Variants in CC2D2A observed in about 807,000 individuals in gnomAD.
The protein encoded by CC2D2A is coiled-coil and C2 domain-containing protein 2A.
CC2D2A carries 155 observed loss-of-function variants against 212.9 expected under a neutral mutation model. That is an observed-to-expected ratio of 0.73 (90% CI 0.64 to 0.83). The LOEUF (loss-of-function observed/expected upper bound fraction) is 0.83. Ranked by LOEUF, CC2D2A falls within the 40% of genes least tolerant of loss-of-function variation. The probability of loss-of-function intolerance (pLI) is 0.00; values close to 1 mark genes in which losing one functional copy is unlikely to be tolerated. For synonymous variants in CC2D2A, 667 were observed against 686.5 expected, an observed-to-expected ratio of 0.97 and a Z score of 0.44; for missense variants, 1,856 against 1,956.2, an observed-to-expected ratio of 0.95 and a Z score of 0.97.
At chr4:15,525,544 T>C (rs1040180859) in intron 11 of CC2D2A, among the ~76,000 whole-genome samples, 1 of 152,138 alleles carries the variant, frequency 6.6e-6, no homozygotes, top group Non-Finnish European at 1.5e-5. Context: ...TGGCCCTCCA[T>C]TGTTGCAGTC....
chr4:15,514,756 G>A lies in CC2D2A; in HGVS notation c.767G>A (p.Gly256Asp). The A allele has an allele frequency of 6.2e-7, 1 of 1,612,572 alleles. No individual in the cohort carries two copies. Among genetic ancestry groups the A allele is most frequent in the East Asian group, 2.2e-5 (1 of 44,864 alleles). The change falls in exon 9 of 37, where the codon GGC (glycine) becomes GAC (aspartate). Residue 256 changes from glycine to aspartate, a missense_variant. By Grantham distance (94) the Gly-to-Asp change is moderately conservative. Around this residue, in one of 5 missense-constraint regions of CC2D2A, gnomAD observed 1,512 missense variants for 1,579.3 expected, o/e 0.96. Transcript: ENST00000424120. Reference sequence around the variant, plus strand: ...GATGATGCCGAGGACTTCCTATTGGGCTTAGATCACGTGGCTGACGATTTT... The same window carrying A: ...GATGATGCCGAGGACTTCCTATTGGACTTAGATCACGTGGCTGACGATTTT... ...NGDDAEDFLL[G>D]LDHVADDFVA...
intron 23 of CC2D2A, among the ~76,000 whole-genome samples, chr4:15,561,162 T>G (rs941480208): frequency 1.3e-5 from 2 of 152,340 alleles, no homozygotes; most frequent in Non-Finnish European, 1.5e-5. Flanking sequence ...GGGAATTGAC[T>G]GTATTTGCTT....
chr4:15,566,406 T>C (rs1236153916), intron 24 of CC2D2A, among the ~76,000 whole-genome samples: 2 of 151,968 alleles, frequency 1.3e-5, no homozygotes, highest in African/African-American at 4.8e-5. Flanking sequence ...GTCAGGAAGC[T>C]CAGGATCTCC....
chr4:15,506,849 G>A (rs1006733538), intron 6 of CC2D2A, among the ~76,000 whole-genome samples: 21 of 151,776 alleles, frequency 1.4e-4, no homozygotes, highest in Non-Finnish European at 2.2e-4. Context: ...TGAGGCGGGC[G>A]GATCACGAGG....
intron 19 of CC2D2A, among the ~76,000 whole-genome samples, chr4:15,554,254 T>C (rs1362197626): frequency 6.6e-6 from 1 of 152,196 alleles, no homozygotes; most frequent in Non-Finnish European, 1.5e-5. Context: ...GAATAGAAGG[T>C]AAAACACAAT....
chr4:15,532,300 A>G (rs1167925188), intron 13 of CC2D2A, among the ~76,000 whole-genome samples: 2 of 152,198 alleles, frequency 1.3e-5, no homozygotes, highest in Admixed American at 6.5e-5. Context: ...CAGTTGATCT[A>G]CTAGAAACCT....
At chr4:15,552,610 C>T (rs999392316) in intron 18 of CC2D2A, among the ~76,000 whole-genome samples, 10 of 152,184 alleles carry the variant, frequency 6.6e-5, no homozygotes, top group Admixed American at 1.3e-4. Flanking sequence ...AAGTATTTCT[C>T]TTATTTCTCT....
chr4:15,478,826 T>C lies in CC2D2A; in HGVS notation c.123+20T>C, dbSNP rs980445355. 2.0e-6 allele frequency: 3 copies of C among 1,528,014 alleles called. No individual in the cohort carries two copies. Among genetic ancestry groups the C allele is most frequent in the Non-Finnish European group, 2.7e-6 (3 of 1,125,364 alleles). 94.7% of individuals were successfully genotyped at this position (1,528,014 alleles called of 1,614,324 possible). A position where few individuals can be genotyped will look rare whatever the true frequency, so the allele number is the denominator to read the frequency against. ...AAACAGGTAAGAAGTGACAAGAAAC[T>C]GTGTCTGCGTATTGTCATTGATCAA... On this transcript the variant is annotated intron_variant, in intron 3 of 36. Coordinates refer to ENST00000424120, the MANE Select transcript of CC2D2A (RefSeq NM_001378615.1).
chr4:15,577,373 A>C (rs1720460917), intron 29 of CC2D2A, among the ~76,000 whole-genome samples: 1 of 152,234 alleles, frequency 6.6e-6, no homozygotes, highest in Admixed American at 6.5e-5. Context: ...GAATTGAGCC[A>C]GTCAAGAACC....
intron 2 of CC2D2A, among the ~76,000 whole-genome samples, chr4:15,477,162 C>T (rs184066242): frequency 2.0e-5 from 3 of 151,986 alleles, no homozygotes; most frequent in Admixed American, 6.6e-5. Flanking sequence ...ATTAGTCAGG[C>T]GTGGTGAGGC....
At position 15,555,185 on chromosome 4, in the gene CC2D2A, A is replaced by G. The variant is rs1719216147; in HGVS notation, c.2600A>G (p.Asn867Ser). 2 of 1,613,630 alleles carry G rather than the reference A, an allele frequency of 1.2e-6. No individual in the cohort carries two copies. Among genetic ancestry groups the G allele is most frequent in the African/African-American group, 2.7e-5 (2 of 74,874 alleles). The stretch of plus-strand genomic sequence containing the variant: ...AAGCTCGACCCAAATGACCCCAACA[A>G]TGCCCCTTTGATGCAGCTTATCTCG... ...ESKLDPNDPN[N>S]APLMQLISVA... The change falls in exon 20 of 37, where the codon AAT becomes AGT. Residue 867 changes from asparagine to serine, a missense_variant. This residue lies in a region of CC2D2A where 1,512 missense variants were observed against 1,579.3 expected (regional missense o/e 0.96). Coordinates refer to ENST00000424120, the MANE Select transcript of CC2D2A (RefSeq NM_001378615.1).
rs776852514 is a variant in CC2D2A at position 15,480,659 on chromosome 4, A to G, written c.124-45A>G. Reference sequence around the variant, plus strand: ...TCTTCCCAAGAGAGGAACAGACTCAAATAAAGTCCTGGGAGTCTCTGAACC... The same window carrying G: ...TCTTCCCAAGAGAGGAACAGACTCAGATAAAGTCCTGGGAGTCTCTGAACC... On this transcript the variant is annotated intron_variant, in intron 3 of 36. Transcript: ENST00000424120. 8.9e-6 allele frequency: 14 copies of G among 1,581,350 alleles called. No individual in the cohort carries two copies. In the South Asian group the frequency reaches 1.0e-4, roughly 12 times the overall value.
chr4:15,495,131 CAG>C (rs1396314210), intron 4 of CC2D2A, among the ~76,000 whole-genome samples: 1 of 152,026 alleles, frequency 6.6e-6, no homozygotes, highest in Non-Finnish European at 1.5e-5. Flanking sequence ...TTTTGGAAGA[CAG>C]AGTCTTGCTC....
At position 15,510,144 on chromosome 4, in the gene CC2D2A, G is replaced by A; in HGVS notation, c.444G>A (p.Gly148=). ...ATTTTTTTCCACTCATATAGCCAGG[G>A]AAAGAGGTAGAAAGGACTCAACAAG... ...ELETEFGTEP[G]KEVERTQQEV... is the part of the protein sequence containing the mutation. Residue 148 remains glycine, a synonymous_variant, in exon 7 of 37, where the codon GGG becomes GGA. Transcript: ENST00000424120. The A allele has an allele frequency of 6.2e-7, 1 of 1,611,576 alleles. No individual in the cohort carries two copies. Among genetic ancestry groups the A allele is most frequent in the Non-Finnish European group, 8.5e-7 (1 of 1,177,994 alleles).
chr4:15,481,652 C>G (rs1714674492), intron 4 of CC2D2A: 1 of 352,706 alleles, frequency 2.8e-6, no homozygotes, highest in Admixed American at 6.1e-5. Context: ...CAGATGCTGG[C>G]ACCATGCTTA....
chr4:15,540,935 T>G lies in CC2D2A; in HGVS notation c.2102T>G (p.Leu701Arg), dbSNP rs2109038826. 6.4e-7 allele frequency: 1 copy of G among 1,569,342 alleles called. No homozygotes were observed. Among genetic ancestry groups the G allele is most frequent in the Non-Finnish European group, 8.6e-7 (1 of 1,156,820 alleles). Residue 701 changes from leucine to arginine, a missense_variant, in exon 17 of 37, where the codon CTA (leucine) becomes CGA (arginine). By Grantham distance (102) the Leu-to-Arg change is moderately radical (BLOSUM62 -2). Transcript: ENST00000424120. ...GTGTCCAGGACAGTCAGTCGGCCAC[T>G]AGGAGCAGACTTCCGAGTTCACTTT... is the stretch of plus-strand genomic sequence containing the variant. Reference protein sequence around the residue: ...KEVSRTVSRPLGADFRVHFGQ... With the variant: ...KEVSRTVSRPRGADFRVHFGQ...
intron 29 of CC2D2A, among the ~76,000 whole-genome samples, chr4:15,575,674 T>C (rs937506897): frequency 1.3e-5 from 2 of 152,226 alleles, no homozygotes; most frequent in African/African-American, 4.8e-5. Flanking sequence ...ATTAATTGTA[T>C]ATTTTGTCAG....
At chr4:15,530,175 G>C (rs943772829) in intron 13 of CC2D2A, among the ~76,000 whole-genome samples, 1 of 152,056 alleles carries the variant, frequency 6.6e-6, no homozygotes, top group African/African-American at 2.4e-5. Flanking sequence ...GTTTCACCGC[G>C]TTAGCCAAGA....
chr4:15,558,998 C>T (rs1719430464), intron 21 of CC2D2A, among the ~76,000 whole-genome samples, 167 bp from the exon 22 acceptor site: 1 of 152,126 alleles, frequency 6.6e-6, no homozygotes. Context: ...GTCTCAGAAT[C>T]CTGGTTACTC....
Sources: gnomAD v4.1 joint callset for allele counts (sites outside exome capture counted in the v4.1 genomes callset) on GRCh38, gnomAD v4.1.1 for gene constraint, gnomAD v4.1.1 regional missense constraint, MANE v1.5 for transcripts, NCBI Gene and HGNC (gene_info 2026-07-23, HGNC 2026-07-21) for gene names.